Variants in EHBP1 observed in about 807,000 individuals in gnomAD.
EHBP1 encodes the protein EH domain binding protein 1.
In EHBP1, 55 loss-of-function variants were observed where a neutral mutation model predicts 144.0. The observed-to-expected ratio is 0.38, with a 90% CI of 0.31 to 0.48. The LOEUF (loss-of-function observed/expected upper bound fraction) is 0.48, where lower values mean the gene tolerates loss of function less well. Ranked by LOEUF, EHBP1 falls within the 20% of genes least tolerant of loss-of-function variation. The pLI, the probability that EHBP1 is intolerant of heterozygous loss-of-function variation, is 0.98. For synonymous variants in EHBP1, 469 were observed against 472.7 expected, an observed-to-expected ratio of 0.99 and a Z score of 0.10; for missense variants, 1,200 against 1,364.2, an observed-to-expected ratio of 0.88 and a Z score of 1.90.
intron 10 of EHBP1, among the ~76,000 whole-genome samples, chr2:62,936,412 T>G (rs900499528): frequency 6.6e-6 from 1 of 152,206 alleles, no homozygotes; most frequent in African/African-American, 2.4e-5. Flanking sequence ...AAGAAGCAAT[T>G]TTGGCTTTGC....
chr2:62,955,625 A>G lies in EHBP1; in HGVS notation c.2425A>G (p.Thr809Ala). 1 of 1,612,498 alleles carries G rather than the reference A, an allele frequency of 6.2e-7. No individual in the cohort carries two copies. The highest frequency in any genetic ancestry group is 8.5e-7 in the Non-Finnish European group (1 of 1,179,118). The change falls in exon 14 of 23, where the codon ACA becomes GCA. Residue 809 changes from threonine to alanine, a missense_variant. Thr to Ala is a moderately conservative substitution (Grantham distance 58, BLOSUM62 0). Coordinates refer to ENST00000431489, the MANE Select transcript of EHBP1 (RefSeq NM_001142616.3). Reference protein sequence around the residue: ...LKAGNKHNTNTATPFCNRQLS... With the variant: ...LKAGNKHNTNAATPFCNRQLS... ...GGCGGGGAATAAGCACAATACCAAC[A>G]CAGCCACCCCATTCTGCAACAGGCA... is the stretch of plus-strand genomic sequence containing the variant.
intron 15 of EHBP1, among the ~76,000 whole-genome samples, chr2:62,982,123 T>C (rs1298851549): frequency 2.0e-5 from 3 of 152,020 alleles, no homozygotes; most frequent in African/African-American, 4.8e-5. Flanking sequence ...AGAGTGAGAG[T>C]TGTGTAGAGA....
intron 6 of EHBP1, 92 bp from the exon 7 acceptor site, chr2:62,830,927 T>C (rs2046783243): frequency 7.3e-7 from 1 of 1,366,384 alleles, no homozygotes; most frequent in Admixed American, 2.2e-5. Flanking sequence ...ACATACCTTA[T>C]AGAAAGAAGG....
intron 3 of EHBP1, among the ~76,000 whole-genome samples, chr2:62,755,084 G>A (rs866481263): frequency 6.6e-6 from 1 of 152,208 alleles, no homozygotes; most frequent in Admixed American, 6.5e-5. Context: ...ATCGCTCAAC[G>A]CTGGGAGCTG....
At chr2:62,886,321 G>A (rs887220534) in intron 10 of EHBP1, among the ~76,000 whole-genome samples, 3 of 152,114 alleles carry the variant, frequency 2.0e-5, no homozygotes, top group Admixed American at 6.5e-5. Flanking sequence ...AGAATCAAAT[G>A]TAATTTAGTA....
rs374963381 is a variant in EHBP1, at chr2:62,898,748, G to A, written c.1185+24216G>A. Among the ~76,000 whole-genome samples, 67 of 152,252 alleles carry A rather than the reference G, an allele frequency of 4.4e-4. 2 individuals are homozygous for A. In the South Asian group the frequency reaches 0.014, roughly 31 times the overall value. ...TAGACGAAAGGAAAAGAAAGAGGGAGAGAAGGAAGGAAGGAAAAGAGAGAA... is the reference window on the plus strand; with the variant it reads ...TAGACGAAAGGAAAAGAAAGAGGGAAAGAAGGAAGGAAGGAAAAGAGAGAA... On this transcript the variant is annotated intron_variant, in intron 10 of 22. Transcript: ENST00000431489.
At chr2:62,679,953 C>T (rs755522495) in intron 1 of EHBP1, among the ~76,000 whole-genome samples, 4 of 152,164 alleles carry the variant, frequency 2.6e-5, no homozygotes, top group East Asian at 3.9e-4. Flanking sequence ...TTATCTAGAG[C>T]GTACTTAGCA....
At chr2:62,811,022 A>G (rs183996669) in intron 5 of EHBP1, among the ~76,000 whole-genome samples, 3 of 152,294 alleles carry the variant, frequency 2.0e-5, no homozygotes, top group Admixed American at 2.0e-4. Context: ...ATTTTAATGT[A>G]TATCTGTAGT....
intron 10 of EHBP1, among the ~76,000 whole-genome samples, chr2:62,887,254 G>A (rs1049775249): frequency 2.6e-5 from 4 of 152,092 alleles, no homozygotes; most frequent in Non-Finnish European, 5.9e-5. Flanking sequence ...ATTTTTCTGG[G>A]CAGTTGTGTT....
intron 7 of EHBP1, chr2:62,858,527 C>G: frequency 1.3e-6 from 2 of 1,547,998 alleles, no homozygotes; most frequent in African/African-American, 2.7e-5. Context: ...GAGCTTTCCT[C>G]CTTTCTTTCT....
intron 10 of EHBP1, among the ~76,000 whole-genome samples, chr2:62,884,510 C>T (rs745513901): frequency 2.0e-5 from 3 of 152,248 alleles, no homozygotes; most frequent in South Asian, 4.1e-4. Context: ...AGGAAGGCTC[C>T]GGACCCCCTT....
At chr2:62,770,075 A>G (rs763760773) in intron 4 of EHBP1, among the ~76,000 whole-genome samples, 1 of 152,174 alleles carries the variant, frequency 6.6e-6, no homozygotes, top group East Asian at 1.9e-4. Flanking sequence ...CCTGAAGGAC[A>G]ACATAGGCAA....
At chr2:62,774,960 T>C (rs1375044493) in intron 5 of EHBP1, among the ~76,000 whole-genome samples, 1 of 152,214 alleles carries the variant, frequency 6.6e-6, no homozygotes, top group African/African-American at 2.4e-5. Flanking sequence ...ATGAAAGATT[T>C]AGTATGTTAG....
intron 7 of EHBP1, among the ~76,000 whole-genome samples, chr2:62,835,734 T>A (rs1371930105): frequency 6.6e-6 from 1 of 152,140 alleles, no homozygotes; most frequent in Admixed American, 6.5e-5. Context: ...GGGTGACGGA[T>A]GCACCTGGAA....
At chr2:62,877,848 T>A (rs1178938666) in intron 10 of EHBP1, among the ~76,000 whole-genome samples, 1 of 152,184 alleles carries the variant, frequency 6.6e-6, no homozygotes, top group Non-Finnish European at 1.5e-5. Flanking sequence ...AGAGGACAGC[T>A]TGTAACACCA....
chr2:63,033,288 G>T (rs1028180113), intron 19 of EHBP1, among the ~76,000 whole-genome samples: 1 of 152,024 alleles, frequency 6.6e-6, no homozygotes, highest in Non-Finnish European at 1.5e-5. Context: ...ATTTGTAATG[G>T]CAGGTTTTTT....
rs751276972 is a variant in EHBP1 at position 62,948,805 on chromosome 2, A to G, written c.1959A>G (p.Arg653=). 4.3e-6 allele frequency: 7 copies of G among 1,614,038 alleles called. No homozygotes were observed. In the East Asian group the frequency reaches 8.9e-5, roughly 21 times the overall value. Residue 653 remains arginine (R), a synonymous_variant, in exon 13 of 23, where the codon AGA becomes AGG. Coordinates refer to ENST00000431489, the MANE Select transcript of EHBP1 (RefSeq NM_001142616.3). ...TQAQVLLGKK[R]LLKAETLELS... is the part of the protein sequence containing the mutation. ...CACAGGTTTTGTTAGGCAAAAAGAGACTATTGAAAGCTGAGACTTTAGAAT... is the reference window on the plus strand; with the variant it reads ...CACAGGTTTTGTTAGGCAAAAAGAGGCTATTGAAAGCTGAGACTTTAGAAT...
chr2:62,723,292 G>A (rs182680128), intron 2 of EHBP1, among the ~76,000 whole-genome samples: 10 of 152,118 alleles, frequency 6.6e-5, no homozygotes, highest in Admixed American at 4.6e-4. Flanking sequence ...TCTGAAATTA[G>A]GATTGCAACT....
intron 19 of EHBP1, among the ~76,000 whole-genome samples, chr2:63,016,425 T>G (rs1007844375): frequency 1.2e-4 from 17 of 145,564 alleles, no homozygotes; most frequent in Admixed American, 1.2e-3. Flanking sequence ...TTTTTGTTTG[T>G]TTTTCTGTTT....
Sources: allele counts gnomAD v4.1 joint callset (sites outside exome capture counted in the v4.1 genomes callset), GRCh38; gene constraint gnomAD v4.1.1; transcripts MANE v1.5; gene names NCBI Gene and HGNC (gene_info 2026-07-23, HGNC 2026-07-21).